COPG2: variants seen among roughly 807,000 people sequenced by gnomAD.
The protein encoded by COPG2 is coatomer subunit gamma-2.
A neutral mutation model predicts 46.3 loss-of-function variants in COPG2; 37 were observed. The observed-to-expected ratio is 0.80, with a 90% CI of 0.61 to 1.05. The LOEUF is 1.05. Ranked by LOEUF, COPG2 falls within the 50% of genes least tolerant of loss-of-function variation. The pLI is 0.00. For synonymous variants in COPG2, 159 were observed against 129.7 expected (o/e 1.23, Z -1.53); for missense variants, 427 against 387.8 (o/e 1.10, Z -0.85).
At chr7:130,518,134 A>G (rs1799694041) in intron 20 of COPG2, among the ~76,000 whole-genome samples, 3 of 152,228 alleles carry the variant, frequency 2.0e-5, no homozygotes, top group African/African-American at 2.4e-5. Context: ...ATGTATGAGG[A>G]TAAGTATCAG....
chr7:130,649,782 G>A (rs1554458841), intron 5 of COPG2, among the ~76,000 whole-genome samples: 1 of 152,142 alleles, frequency 6.6e-6, no homozygotes, highest in African/African-American at 2.4e-5. Context: ...TCTTCCAGAT[G>A]TGCTCACTGC....
chr7:130,602,807 C>A (rs2116484273), intron 9 of COPG2: 1 of 152,186 alleles, frequency 6.6e-6, no homozygotes. Context: ...CCTACAGCAT[C>A]CGGTATTACC....
chr7:130,621,147 G>A lies in COPG2; in HGVS notation c.324-4082C>T, dbSNP rs78427976. On this transcript the variant is annotated intron_variant, in intron 5 of 23. Transcript: ENST00000425248. ...ATGGGAAAGGGGAGCTAGGATTCGA[G>A]GAATGCAAGTAGCCTCCAGAAGCTA... Among the ~76,000 whole-genome samples, 4 of 152,256 alleles carry A rather than the reference G, an allele frequency of 2.6e-5. 1 individual carries two copies. In the East Asian group the frequency reaches 7.7e-4, roughly 29 times the overall value.
intron 5 of COPG2, among the ~76,000 whole-genome samples, chr7:130,626,613 T>C (rs782530608): frequency 6.6e-6 from 1 of 152,142 alleles, no homozygotes; most frequent in East Asian, 1.9e-4. Context: ...GTCCCTCTCA[T>C]GTTTATTCTC....
intron 5 of COPG2, among the ~76,000 whole-genome samples, chr7:130,643,037 G>A (rs1048571699): frequency 3.3e-5 from 5 of 151,506 alleles, no homozygotes; most frequent in East Asian, 1.9e-4. Context: ...GGCCGGGCGC[G>A]GTGGCTCCCA....
chr7:130,539,739 G>A (rs1320019089), intron 20 of COPG2, among the ~76,000 whole-genome samples: 2 of 152,166 alleles, frequency 1.3e-5, no homozygotes, highest in Non-Finnish European at 2.9e-5. Context: ...AGACAGGGTG[G>A]AGGGGCCCCC....
At chr7:130,530,890 T>G (rs1019122532) in intron 20 of COPG2, among the ~76,000 whole-genome samples, 5 of 151,360 alleles carry the variant, frequency 3.3e-5, no homozygotes, top group African/African-American at 7.3e-5. Flanking sequence ...ACAAAGGAAT[T>G]TGGAGTGCTC....
intron 21 of COPG2, chr7:130,508,140 A>AAAG (rs1288602356): frequency 1.5e-5 from 4 of 267,644 alleles, no homozygotes; most frequent in Non-Finnish European, 2.8e-5. Context: ...TTTTTTAAAA[A>AAAG]AAGTTTTCCC....
intron 9 of COPG2, among the ~76,000 whole-genome samples, chr7:130,600,417 C>A (rs1297284070): frequency 8.5e-5 from 13 of 152,212 alleles, no homozygotes; most frequent in African/African-American, 3.1e-4. Context: ...CGTGCCACCA[C>A]GCCTGGCTAA....
intron 9 of COPG2, among the ~76,000 whole-genome samples, chr7:130,604,192 A>T (rs1554450880): frequency 1.3e-5 from 2 of 152,290 alleles, no homozygotes; most frequent in Admixed American, 6.5e-5. Flanking sequence ...TTGTTCAAGG[A>T]TCAACTGTAT....
chr7:130,659,869 G>A (rs1466159169), intron 4 of COPG2, among the ~76,000 whole-genome samples: 2 of 152,124 alleles, frequency 1.3e-5, no homozygotes, highest in Non-Finnish European at 1.5e-5. Flanking sequence ...CCAAGATCGC[G>A]CCACTGCACT....
chr7:130,593,459 A>G (rs1438235379), intron 9 of COPG2, among the ~76,000 whole-genome samples: 1 of 152,220 alleles, frequency 6.6e-6, no homozygotes, highest in African/African-American at 2.4e-5. Context: ...GCAAAACAAG[A>G]GCTGGAAAAT....
At chr7:130,654,209 A>G (rs2116242413) in intron 4 of COPG2, among the ~76,000 whole-genome samples, 1 of 152,362 alleles carries the variant, frequency 6.6e-6, no homozygotes, top group East Asian at 1.9e-4. Flanking sequence ...AACATACTGC[A>G]TAAACAAATA....
intron 15 of COPG2, among the ~76,000 whole-genome samples, chr7:130,551,709 A>G (rs916889726): frequency 9.2e-5 from 14 of 152,224 alleles, no homozygotes; most frequent in African/African-American, 3.4e-4. Flanking sequence ...AAGGATACTG[A>G]AAAGATAAAT....
chr7:130,522,651 AT>A (rs1322842473), intron 20 of COPG2, among the ~76,000 whole-genome samples: 1 of 152,150 alleles, frequency 6.6e-6, no homozygotes, highest in Non-Finnish European at 1.5e-5. Context: ...AGAAAAGGAA[AT>A]GTGCAGAAGA....
At chr7:130,544,967 T>C in intron 20 of COPG2, among the ~76,000 whole-genome samples, 1 of 151,950 alleles carries the variant, frequency 6.6e-6, no homozygotes, top group East Asian at 1.9e-4. Flanking sequence ...ATTTATAAAG[T>C]AAAGGGGAGT....
At chr7:130,562,861 T>C (rs1386381102) in intron 11 of COPG2, among the ~76,000 whole-genome samples, 1 of 152,234 alleles carries the variant, frequency 6.6e-6, no homozygotes, top group Non-Finnish European at 1.5e-5. Flanking sequence ...AGACCAGCAC[T>C]GTGCAAGAGA....
chr7:130,558,481 C>T (rs1037456649), intron 12 of COPG2, among the ~76,000 whole-genome samples: 5 of 152,154 alleles, frequency 3.3e-5, no homozygotes, highest in African/African-American at 1.2e-4. Flanking sequence ...AATTAAACCT[C>T]TTTTCTTTAT....
intron 9 of COPG2, among the ~76,000 whole-genome samples, chr7:130,576,978 T>C (rs1300247551): frequency 6.6e-6 from 1 of 152,102 alleles, no homozygotes; most frequent in African/African-American, 2.4e-5. Context: ...AAACCTACAA[T>C]GAACATCTTT....
Sources: gnomAD v4.1 joint callset for allele counts (sites outside exome capture counted in the v4.1 genomes callset) on GRCh38, gnomAD v4.1.1 for gene constraint, MANE v1.5 for transcripts, NCBI Gene and HGNC (gene_info 2026-07-23, HGNC 2026-07-21) for gene names.